The following STAB1 variants were observed in gnomAD, a reference collection of about 807,000 sequenced individuals.
STAB1 encodes stabilin-1.
STAB1 carries 250 observed loss-of-function variants against 332.4 expected under a neutral mutation model. That is an observed-to-expected ratio of 0.75 (90% CI 0.68 to 0.84). STAB1 has a LOEUF of 0.84. Ranked by LOEUF, STAB1 falls within the 40% of genes least tolerant of loss-of-function variation. The pLI is 0.00. For synonymous variants in STAB1, 1,475 were observed against 1,390.4 expected (o/e 1.06, Z -1.35); for missense variants, 3,249 against 3,489.7 (o/e 0.93, Z 1.74).
At position 52,514,803 on chromosome 3, in the gene STAB1, C is replaced by T; in HGVS notation, c.3781C>T (p.Leu1261=). 1 of 1,612,938 alleles carries T rather than the reference C, an allele frequency of 6.2e-7. No individual in the cohort carries two copies. ...CCTGACGGTGGGCTCAAGTCGCTGC[C>T]TGCATAGCCACGCTGAGGCCCTGCG... ...GVLTVGSSRC[L]HSHAEALREK... is the part of the protein sequence containing the mutation. Residue 1261 remains leucine (L), a synonymous_variant, in exon 35 of 69, where the codon CTG becomes TTG. Transcript: ENST00000321725.
At position 52,503,402 on chromosome 3, in the gene STAB1, C is replaced by T; in HGVS notation, c.753C>T (p.Pro251=). 6 of 1,613,648 alleles carry T rather than the reference C, an allele frequency of 3.7e-6. No individual in the cohort carries two copies. Among genetic ancestry groups the T allele is most frequent in the Non-Finnish European group, 5.1e-6 (6 of 1,180,014 alleles). The change falls in exon 8 of 69, where the codon CCC becomes CCT. Residue 251 remains proline (P), a synonymous_variant. Coordinates refer to ENST00000321725, the MANE Select transcript of STAB1 (RefSeq NM_015136.3). ...TGCTGGCCCAGTGCTCGGTGAGCCC[C>T]AAGGGGCAGGCTCAGTGTCACTGCC... ...CSLLAQCSVS[P]KGQAQCHCPE...
In STAB1 at chr3:52,523,761, G is replaced by A; in HGVS notation, c.7395+5G>A. On this transcript the variant is annotated splice_donor_5th_base_variant and intron_variant, in intron 66 of 68. Transcript: ENST00000321725. ...CTCCTGGCACCCCCACAGCCCGTGA[G>A]TTGAGGAAGGGGGAGGCAGAGCCCT... is the stretch of plus-strand genomic sequence containing the variant. 6.3e-7 allele frequency: 1 copy of A among 1,596,740 alleles called. No homozygotes were observed. The highest frequency in any genetic ancestry group is 8.6e-7 in the Non-Finnish European group (1 of 1,167,112).
At chr3:52,506,379 G>A (rs1371397116) in intron 17 of STAB1, 129 bp downstream of exon 17, 2 of 880,604 alleles carry the variant, frequency 2.3e-6, no homozygotes, top group Non-Finnish European at 3.6e-6. Context: ...GGGCTCATGG[G>A]GAAGGAAGCA....
chr3:52,511,642 C>A lies in STAB1; in HGVS notation c.2788-8C>A. The A allele has an allele frequency of 6.2e-7, 1 of 1,607,242 alleles. No homozygotes were observed. The highest frequency in any genetic ancestry group is 2.2e-5 in the East Asian group (1 of 44,696). ...TGAGACAAGGCCGTCTGTTCCTAAC[C>A]TTTCCAGAGCCGATGCACCTGCAAG... On this transcript the variant is annotated splice_region_variant and splice_polypyrimidine_tract_variant and intron_variant, in intron 25 of 68. Transcript: ENST00000321725.
In STAB1 at chr3:52,523,031, C is replaced by T. The variant is rs756458098; in HGVS notation, c.6917C>T (p.Ala2306Val). 11 of 1,573,480 alleles carry T rather than the reference C, an allele frequency of 7.0e-6. No homozygotes were observed. The African/African-American group carries it at 1.2e-4, about 17-fold the overall frequency. ...DAYCFRVQDVACRCRNGFVGD... is the reference protein window; with the variant it reads ...DAYCFRVQDVVCRCRNGFVGD... ...TGACCTGCTTTTCCTGCAGATGTGGCCTGCCGATGCCGAAATGGCTTCGTG... is the reference window on the plus strand; with the variant it reads ...TGACCTGCTTTTCCTGCAGATGTGGTCTGCCGATGCCGAAATGGCTTCGTG... Residue 2306 changes from alanine to valine, a missense_variant, in exon 63 of 69, where the codon GCC becomes GTC. Physicochemically the swap from Ala to Val is moderately conservative, Grantham distance 64. Coordinates refer to ENST00000321725, the MANE Select transcript of STAB1 (RefSeq NM_015136.3).
At chr3:52,521,236 G>A in intron 55 of STAB1, 125 bp from the exon 56 acceptor site, 4 of 1,389,372 alleles carry the variant, frequency 2.9e-6, no homozygotes, top group Admixed American at 1.9e-5. Flanking sequence ...ACATGGGCCT[G>A]GAGGGATCTT....
intron 1 of STAB1, among the ~76,000 whole-genome samples, chr3:52,496,772 G>A (rs950407918): frequency 6.6e-5 from 10 of 152,140 alleles, no homozygotes; most frequent in African/African-American, 2.4e-4. Context: ...CCTCAGATTC[G>A]AGTTTTTTCC....
At chr3:52,498,679 A>T (rs560893141) in intron 1 of STAB1, among the ~76,000 whole-genome samples, 26 of 152,238 alleles carry the variant, frequency 1.7e-4, no homozygotes, top group Admixed American at 2.6e-4. Flanking sequence ...GCTGACCACC[A>T]TTCCTCCAAG....
In STAB1 at chr3:52,505,865, C is replaced by T. The variant is rs780216298; in HGVS notation, c.1696-18C>T. 2 of 1,592,540 alleles carry T rather than the reference C, an allele frequency of 1.3e-6. No individual in the cohort carries two copies. The highest frequency in any genetic ancestry group is 1.2e-5 in the South Asian group (1 of 86,670). On this transcript the variant is annotated intron_variant, in intron 15 of 68. Coordinates refer to ENST00000321725, the MANE Select transcript of STAB1 (RefSeq NM_015136.3). ...CCACAGTTCCTCCAGGAGCCAAACC[C>T]TCTCTCTCCCCTGCCAGGGTCTCTC...
Position 52,522,173 on chromosome 3 carries a change from C to T in STAB1, c.6408C>T (p.Cys2136=). 2 of 1,612,728 alleles carry T rather than the reference C, an allele frequency of 1.2e-6. No homozygotes were observed. The highest frequency in any genetic ancestry group is 1.7e-6 in the Non-Finnish European group (2 of 1,179,982). Reference sequence around the variant, plus strand: ...GGAGCTGCCGGGCCCGCAACCCCTGCACAGATGGCCACCGCGGGGGCTGCA... The same window carrying T: ...GGAGCTGCCGGGCCCGCAACCCCTGTACAGATGGCCACCGCGGGGGCTGCA... ...DGWSCRARNP[C]TDGHRGGCSE... Residue 2136 remains cysteine (C), a synonymous_variant, in exon 59 of 69, where the codon TGC becomes TGT. Transcript: ENST00000321725.
chr3:52,504,938 G>A, intron 12 of STAB1, 62 bp downstream of exon 12: 1 of 1,612,886 alleles, frequency 6.2e-7, no homozygotes, highest in East Asian at 2.2e-5. Context: ...GTGTGCAGGT[G>A]GGAGGGAGCC....
Position 52,522,142 on chromosome 3 carries a change from A to G in STAB1, c.6377A>G (p.Asp2126Gly). 6.2e-7 allele frequency: 1 copy of G among 1,612,882 alleles called. No homozygotes were observed. The highest frequency in any genetic ancestry group is 8.5e-7 in the Non-Finnish European group (1 of 1,179,994). Residue 2126 changes from aspartate to glycine, a missense_variant, in exon 59 of 69, where the codon GAT (aspartate) becomes GGT (glycine). Coordinates refer to ENST00000321725, the MANE Select transcript of STAB1 (RefSeq NM_015136.3). ...TCTCLPDYEG[D>G]GWSCRARNPC... ...ACCTGCCTGCCCGACTACGAGGGTG[A>G]TGGCTGGAGCTGCCGGGCCCGCAAC... is the stretch of plus-strand genomic sequence containing the variant.
intron 17 of STAB1, 46 bp downstream of exon 17, chr3:52,506,296 C>G: frequency 1.9e-6 from 3 of 1,541,254 alleles, no homozygotes; most frequent in Non-Finnish European, 1.8e-6. Context: ...TGGCGGTGAC[C>G]AGCTGCCCAC....
At position 52,513,898 on chromosome 3, in the gene STAB1, CGAGG is replaced by C; in HGVS notation, c.3366_3369del (p.Gly1123MetfsTer106). 1 of 1,604,572 alleles carries C rather than the reference CGAGG, an allele frequency of 6.2e-7. No homozygotes were observed. The highest frequency in any genetic ancestry group is 1.3e-5 in the African/African-American group (1 of 74,926). ...TCTGTACCAGGTCTTACTGCCCCCC[CGAGG>C]GGATGTGCCCGGTGGGCAGGGGTTG... On this transcript the variant is annotated frameshift_variant, in exon 32 of 69. Coordinates refer to ENST00000321725, the MANE Select transcript of STAB1 (RefSeq NM_015136.3). LOFTEE classifies it high-confidence loss of function.
At position 52,502,172 on chromosome 3, in the gene STAB1, G is replaced by A; in HGVS notation, c.431G>A (p.Gly144Asp). The A allele has an allele frequency of 6.2e-7, 1 of 1,613,384 alleles. No individual in the cohort carries two copies. Among genetic ancestry groups the A allele is most frequent in the Non-Finnish European group, 8.5e-7 (1 of 1,180,002 alleles). The change falls in exon 5 of 69, where the codon GGC becomes GAC. Residue 144 changes from glycine to aspartate, a missense_variant. By Grantham distance (94) the Gly-to-Asp change is moderately conservative. Transcript: ENST00000321725. ...GTCVCQENFR[G>D]SACQECQDPN... Reference sequence around the variant, plus strand: ...ATCCACCACCAGGAAAACTTCCGCGGCTCAGCCTGCCAGGAGTGCCAAGAC... The same window carrying A: ...ATCCACCACCAGGAAAACTTCCGCGACTCAGCCTGCCAGGAGTGCCAAGAC...
intron 12 of STAB1, 41 bp downstream of exon 12, chr3:52,504,917 G>T: frequency 3.1e-6 from 5 of 1,613,378 alleles, no homozygotes; most frequent in Non-Finnish European, 4.2e-6. Context: ...AGGAGTCACA[G>T]CCTGGCAAGG....
chr3:52,522,546 A>G lies in STAB1; in HGVS notation c.6611-9A>G. On this transcript the variant is annotated splice_polypyrimidine_tract_variant and intron_variant, in intron 60 of 68. Coordinates refer to ENST00000321725, the MANE Select transcript of STAB1 (RefSeq NM_015136.3). ...CGGCCAGCTGACCATGCACCCCTCC[A>G]TTCTGCAGAGAAACGGGCTGGCGTT... 1 of 1,612,972 alleles carries G rather than the reference A, an allele frequency of 6.2e-7. No homozygotes were observed. Among genetic ancestry groups the G allele is most frequent in the Non-Finnish European group, 8.5e-7 (1 of 1,180,000 alleles).
intron 7 of STAB1, 76 bp from the exon 8 acceptor site, chr3:52,503,268 C>A: frequency 6.5e-7 from 1 of 1,535,870 alleles, no homozygotes; most frequent in Non-Finnish European, 8.8e-7. Flanking sequence ...TGGCCCCGGC[C>A]TTCCTGGTGA....
rs1482781921 is a variant in STAB1 at position 52,518,008 on chromosome 3, T to C, written c.4761+5T>C. The C allele has an allele frequency of 1.2e-6, 2 of 1,601,312 alleles. No individual in the cohort carries two copies. The highest frequency in any genetic ancestry group is 1.7e-6 in the Non-Finnish European group (2 of 1,175,940). The stretch of plus-strand genomic sequence containing the variant: ...TGCCGTGCCCGAGTCGGCCTGGTAA[T>C]GATGCCCAAGTCAGACCCCTGATCT... On this transcript the variant is annotated splice_donor_5th_base_variant and intron_variant, in intron 45 of 68. Coordinates refer to ENST00000321725, the MANE Select transcript of STAB1 (RefSeq NM_015136.3).
Sources: gnomAD v4.1 joint callset for allele counts (sites outside exome capture counted in the v4.1 genomes callset) on GRCh38, gnomAD v4.1.1 for gene constraint, MANE v1.5 for transcripts, NCBI Gene and HGNC (gene_info 2026-07-23, HGNC 2026-07-21) for gene names.